FAM135B: variants seen among roughly 807,000 people sequenced by gnomAD.
FAM135B encodes the protein protein FAM135B.
In FAM135B, 43 loss-of-function variants were observed where a neutral mutation model predicts 127.7. The ratio of observed to expected loss-of-function variants is 0.34; its 90% CI spans 0.26 to 0.43. The LOEUF is 0.43. Among genes scored for constraint, FAM135B ranks in the 20% least tolerant of loss-of-function variants. The probability of loss-of-function intolerance (pLI) is 1.00; values close to 1 mark genes in which losing one functional copy is unlikely to be tolerated. For synonymous variants in FAM135B, 670 were observed against 665.1 expected, an observed-to-expected ratio of 1.01 and a Z score of -0.11; for missense variants, 1,558 against 1,725.6, an observed-to-expected ratio of 0.90 and a Z score of 1.72.
chr8:138,340,413 A>G (rs745515894), intron 2 of FAM135B, among the ~76,000 whole-genome samples: 20 of 152,182 alleles, frequency 1.3e-4, no homozygotes, highest in Non-Finnish European at 2.4e-4. Flanking sequence ...TCACATGGAT[A>G]TGATTAGTAT....
At position 138,404,816 on chromosome 8, in the gene FAM135B, T is replaced by C. The variant is rs539728581; in HGVS notation, c.-19-36814A>G. Among the ~76,000 whole-genome samples the C allele has an allele frequency of 2.5e-4, 38 of 152,280 alleles. No individual in the cohort carries two copies. The South Asian group carries it at 7.9e-3, about 32-fold the overall frequency. ...CTAATTGTAGTTATCTTTCTACTTC[T>C]AACACATCTACAGTTACTTCTTCCA... On this transcript the variant is annotated intron_variant, in intron 1 of 19. Coordinates refer to ENST00000395297, the MANE Select transcript of FAM135B (RefSeq NM_015912.4).
intron 1 of FAM135B, among the ~76,000 whole-genome samples, chr8:138,463,232 A>G (rs770249796): frequency 6.6e-6 from 1 of 152,208 alleles, no homozygotes; most frequent in Non-Finnish European, 1.5e-5. Flanking sequence ...AGTATCTTCA[A>G]ATTCTTTCAA....
At chr8:138,373,795 C>A (rs961371246) in intron 1 of FAM135B, among the ~76,000 whole-genome samples, 1 of 152,008 alleles carries the variant, frequency 6.6e-6, no homozygotes, top group African/African-American at 2.4e-5. Context: ...ACGAAATAAG[C>A]CCCAGTCTCC....
intron 14 of FAM135B, among the ~76,000 whole-genome samples, chr8:138,147,746 TTA>T (rs1380681289): frequency 4.6e-5 from 7 of 152,200 alleles, no homozygotes; most frequent in Non-Finnish European, 8.8e-5. Flanking sequence ...AGCTCTATCT[TTA>T]TAACATTCCT....
chr8:138,329,280 C>A (rs1828009096), intron 2 of FAM135B, among the ~76,000 whole-genome samples: 1 of 152,160 alleles, frequency 6.6e-6, no homozygotes, highest in Non-Finnish European at 1.5e-5. Context: ...GATCTCTGAC[C>A]AATTTCCAGC....
chr8:138,208,797 TTAAG>T (rs2129796422), intron 7 of FAM135B, among the ~76,000 whole-genome samples: 1 of 152,350 alleles, frequency 6.6e-6, no homozygotes, highest in African/African-American at 2.4e-5. Flanking sequence ...ACTGGTGTAC[TTAAG>T]TGATATTTTA....
At chr8:138,265,644 G>A (rs2130626536) in intron 4 of FAM135B, 59 bp downstream of exon 4, 1 of 1,585,114 alleles carries the variant, frequency 6.3e-7, no homozygotes, top group Non-Finnish European at 8.6e-7. Flanking sequence ...CTAGCAATGA[G>A]AGAGAACAGC....
intron 6 of FAM135B, among the ~76,000 whole-genome samples, chr8:138,245,766 T>C (rs1475020775): frequency 1.3e-5 from 2 of 151,772 alleles, no homozygotes; most frequent in Non-Finnish European, 2.9e-5. Flanking sequence ...CAGGCAGAGG[T>C]TGGAACAGTT....
At chr8:138,289,654 G>A (rs1824954293) in intron 3 of FAM135B, among the ~76,000 whole-genome samples, 1 of 152,000 alleles carries the variant, frequency 6.6e-6, no homozygotes, top group South Asian at 2.1e-4. Flanking sequence ...ACCTACTTTT[G>A]GAATCTGTGG....
chr8:138,132,873 G>T lies in FAM135B; in HGVS notation c.4016-75C>A. 1.5e-6 allele frequency: 2 copies of T among 1,351,500 alleles called. No individual in the cohort carries two copies. The highest frequency in any genetic ancestry group is 2.1e-6 in the Non-Finnish European group (2 of 945,090). The allele number at this position is 1,351,500 out of a possible 1,614,324, so 83.7% of individuals were successfully genotyped here. On this transcript the variant is annotated intron_variant, in intron 19 of 19. Transcript: ENST00000395297. This position sits in a 1 kb window ranked among gnomAD's most constrained non-coding sequence, Gnocchi z 4.5. The stretch of plus-strand genomic sequence containing the variant: ...GAATCTAGAGAACATCACTAGATGT[G>T]TGTCGAAATTCTGTTCCTGGGCAGA...
At chr8:138,415,258 C>T (rs75044000) in intron 1 of FAM135B, among the ~76,000 whole-genome samples, 8,675 of 152,180 alleles carry the variant, frequency 0.057, 373 homozygotes, top group East Asian at 0.2. Context: ...CAAAAAACAG[C>T]TCCATTTTTG....
intron 1 of FAM135B, chr8:138,441,733 T>C (rs1835778070): frequency 6.6e-6 from 1 of 152,080 alleles, no homozygotes. Context: ...GCTTTTTTTT[T>C]TTCCTTAGAT....
rs76666855 is a variant in FAM135B, at chr8:138,347,551, T to C, written c.77+20356A>G. On this transcript the variant is annotated intron_variant, in intron 2 of 19. Transcript: ENST00000395297. Reference sequence around the variant, plus strand: ...CAAAAGGAATGGTGCCCAGTCAGGATTGCACACAAAGACAGTCTGCTGCTT... The same window carrying C: ...CAAAAGGAATGGTGCCCAGTCAGGACTGCACACAAAGACAGTCTGCTGCTT... 4.4e-3 allele frequency among the ~76,000 whole-genome samples: 676 copies of C among 152,254 alleles called. 2 individuals carry two copies. Among genetic ancestry groups the C allele is most frequent in the Non-Finnish European group, 7.5e-3 (507 of 68,028 alleles).
intron 3 of FAM135B, among the ~76,000 whole-genome samples, chr8:138,299,378 T>C (rs1825709517): frequency 6.6e-6 from 1 of 152,124 alleles, no homozygotes; most frequent in East Asian, 1.9e-4. Flanking sequence ...ATGTTTTTAT[T>C]ATGCAGATGA....
intron 10 of FAM135B, among the ~76,000 whole-genome samples, chr8:138,178,104 C>T (rs975107293): frequency 3.3e-5 from 5 of 151,862 alleles, no homozygotes; most frequent in African/African-American, 9.7e-5. Context: ...AAAAATTAGT[C>T]GGGTGTGGTG....
At chr8:138,235,823 C>T (rs73715551) in intron 7 of FAM135B, among the ~76,000 whole-genome samples, 4 of 152,152 alleles carry the variant, frequency 2.6e-5, no homozygotes, top group Non-Finnish European at 5.9e-5. Flanking sequence ...CTCTGCAATT[C>T]GACTTAAAGA....
chr8:138,422,085 G>C (rs1834543972), intron 1 of FAM135B, among the ~76,000 whole-genome samples: 1 of 152,036 alleles, frequency 6.6e-6, no homozygotes. Flanking sequence ...GATTAAAACT[G>C]GACTCCCCCT....
At chr8:138,366,681 C>A (rs1317684684) in intron 2 of FAM135B, among the ~76,000 whole-genome samples, 2 of 152,160 alleles carry the variant, frequency 1.3e-5, no homozygotes, top group African/African-American at 4.8e-5. Context: ...GGCCATAGCA[C>A]ACAAGAGGCA....
At chr8:138,371,959 TTG>T (rs1831156370) in intron 1 of FAM135B, among the ~76,000 whole-genome samples, 9 of 152,286 alleles carry the variant, frequency 5.9e-5, no homozygotes, top group African/African-American at 2.2e-4. Context: ...CGAGCAGACC[TTG>T]CCCTCATGAT....
Sources: gnomAD v4.1 joint callset for allele counts (sites outside exome capture counted in the v4.1 genomes callset) on GRCh38, gnomAD v4.1.1 for gene constraint, Gnocchi (gnomAD v3.1) non-coding constraint, MANE v1.5 for transcripts, NCBI Gene and HGNC (gene_info 2026-07-23, HGNC 2026-07-21) for gene names.